The following TNIK variants were observed in gnomAD, a reference collection of about 807,000 sequenced individuals.
TNIK encodes TRAF2 and NCK-interacting protein kinase.
TNIK carries 49 observed loss-of-function variants against 191.3 expected under a neutral mutation model. The observed-to-expected ratio is 0.26, with a 90% CI of 0.20 to 0.32. TNIK has a LOEUF of 0.32. Ranked by LOEUF, TNIK falls within the 10% of genes least tolerant of loss-of-function variation. The pLI is 1.00. For missense variants in TNIK, 1,155 were observed against 1,702.3 expected (o/e 0.68, Z 5.66); for synonymous variants, 594 against 600.9 (o/e 0.99, Z 0.17).
intron 18 of TNIK, among the ~76,000 whole-genome samples, chr3:171,117,968 T>G (rs946074599): frequency 6.6e-6 from 1 of 151,904 alleles, no homozygotes; most frequent in African/African-American, 2.4e-5. Flanking sequence ...AGACTCCGTC[T>G]CAAAAAAAAA....
chr3:171,447,235 G>A (rs1727622672), intron 1 of TNIK, among the ~76,000 whole-genome samples: 1 of 150,130 alleles, frequency 6.7e-6, no homozygotes, highest in South Asian at 2.1e-4. Flanking sequence ...ACATCCCCTA[G>A]ATACACTCCA....
chr3:171,168,596 T>C (rs1734908234), intron 9 of TNIK, among the ~76,000 whole-genome samples: 1 of 152,144 alleles, frequency 6.6e-6, no homozygotes, highest in Non-Finnish European at 1.5e-5. Flanking sequence ...TTTTTTCCGC[T>C]CTAAATTTCT....
At chr3:171,187,168 G>A (rs1737467748) in intron 7 of TNIK, among the ~76,000 whole-genome samples, 1 of 152,174 alleles carries the variant, frequency 6.6e-6, no homozygotes, top group African/African-American at 2.4e-5. Flanking sequence ...GTATAACTAT[G>A]GTTTGAAGAA....
chr3:171,255,376 CA>C (rs1746728247), intron 2 of TNIK, among the ~76,000 whole-genome samples: 2 of 152,158 alleles, frequency 1.3e-5, no homozygotes, highest in African/African-American at 2.4e-5. Flanking sequence ...TGTCTGGTTA[CA>C]ACCATCTTAG....
intron 2 of TNIK, among the ~76,000 whole-genome samples, chr3:171,240,742 A>T (rs955631516): frequency 6.6e-6 from 1 of 152,158 alleles, no homozygotes; most frequent in African/African-American, 2.4e-5. Context: ...TCTGGCTGCT[A>T]TATCTAAAAC....
chr3:171,347,024 C>T (rs377521053), intron 2 of TNIK: 92 of 983,758 alleles, frequency 9.4e-5, no homozygotes, highest in African/African-American at 6.4e-4. Flanking sequence ...GTCCTGCAGG[C>T]GTTCATATGA....
At chr3:171,265,550 T>C (rs1210825974) in intron 2 of TNIK, among the ~76,000 whole-genome samples, 2 of 152,214 alleles carry the variant, frequency 1.3e-5, no homozygotes, top group African/African-American at 4.8e-5. Flanking sequence ...AAAACAAAAC[T>C]GGAAGAAAGC....
intron 1 of TNIK, among the ~76,000 whole-genome samples, chr3:171,428,475 C>T (rs1280388915): frequency 6.6e-6 from 1 of 152,046 alleles, no homozygotes; most frequent in African/African-American, 2.4e-5. Flanking sequence ...TGTGGTCAAC[C>T]GACCAAAGGT....
intron 2 of TNIK, among the ~76,000 whole-genome samples, chr3:171,354,142 T>TTA (rs1713653374): frequency 6.6e-6 from 1 of 152,138 alleles, no homozygotes; most frequent in Non-Finnish European, 1.5e-5. Flanking sequence ...ACCAAATTCA[T>TTA]TATATATATG....
At chr3:171,234,593 G>C (rs767745291) in intron 2 of TNIK, among the ~76,000 whole-genome samples, 21 of 152,202 alleles carry the variant, frequency 1.4e-4, no homozygotes, top group Non-Finnish European at 2.4e-4. Flanking sequence ...CAGACATGAA[G>C]TGGGGAAGAA....
At chr3:171,308,660 T>A (rs1290604813) in intron 2 of TNIK, among the ~76,000 whole-genome samples, 1 of 152,036 alleles carries the variant, frequency 6.6e-6, no homozygotes, top group Non-Finnish European at 1.5e-5. Flanking sequence ...ACTATGCATC[T>A]CACAAAGGCC....
intron 10 of TNIK, among the ~76,000 whole-genome samples, chr3:171,163,015 T>A (rs1274082238): frequency 1.3e-5 from 2 of 152,206 alleles, no homozygotes; most frequent in Admixed American, 6.5e-5. Flanking sequence ...GTGGCCCTTC[T>A]CCAGGCAGTT....
At chr3:171,100,031 C>T (rs1723248527) in intron 22 of TNIK, among the ~76,000 whole-genome samples, 1 of 152,166 alleles carries the variant, frequency 6.6e-6, no homozygotes, top group South Asian at 2.1e-4. Flanking sequence ...TCTCTTAAAG[C>T]CTTCAGCAGG....
chr3:171,389,639 C>T (rs781040782), intron 1 of TNIK, among the ~76,000 whole-genome samples: 2 of 152,170 alleles, frequency 1.3e-5, no homozygotes, highest in Admixed American at 6.5e-5. Context: ...GTAGCCTGTT[C>T]TGTGCCATGT....
chr3:171,070,274 C>A (rs1469221334), intron 29 of TNIK, among the ~76,000 whole-genome samples: 2 of 152,102 alleles, frequency 1.3e-5, no homozygotes, highest in African/African-American at 4.8e-5. Context: ...CCTAAGGGAA[C>A]AAGATAGAAG....
In TNIK at chr3:171,167,152, C is replaced by G; in HGVS notation, c.892G>C (p.Val298Leu). ...FIRDQPNERQ[V>L]RIQLKDHIDR... is the part of the protein sequence containing the mutation. The stretch of plus-strand genomic sequence containing the variant: ...ATATGGTCCTTGAGTTGAATGCGGA[C>G]CTGTCGCTCATTAGGTTGGTCTCGT... The change falls in exon 10 of 33, where the codon GTC (valine) becomes CTC (leucine). Residue 298 changes from valine to leucine, a missense_variant. By Grantham distance (32) the Val-to-Leu change is conservative (BLOSUM62 1). This residue lies in a region of TNIK where 225 missense variants were observed against 438.9 expected (regional missense o/e 0.51). Transcript: ENST00000436636. 6.2e-7 allele frequency: 1 copy of G among 1,613,882 alleles called. No homozygotes were observed. Among genetic ancestry groups the G allele is most frequent in the Non-Finnish European group, 8.5e-7 (1 of 1,179,864 alleles).
intron 20 of TNIK, among the ~76,000 whole-genome samples, chr3:171,107,427 C>G (rs540069951): frequency 6.6e-6 from 1 of 151,922 alleles, no homozygotes; most frequent in Non-Finnish European, 1.5e-5. Context: ...AAAAGCTTCA[C>G]GTTCATTTTA....
intron 12 of TNIK, among the ~76,000 whole-genome samples, chr3:171,149,953 T>C (rs978194381): frequency 1.3e-5 from 2 of 152,206 alleles, no homozygotes; most frequent in Non-Finnish European, 2.9e-5. Context: ...GCAGTGCTGA[T>C]GTGTTAACAC....
At chr3:171,218,987 A>C (rs1218246330) in intron 3 of TNIK, among the ~76,000 whole-genome samples, 73 of 122,004 alleles carry the variant, frequency 6.0e-4, no homozygotes, top group Admixed American at 2.1e-3. Flanking sequence ...ATTTATATTA[A>C]ATTATTACAT....
Sources: gnomAD v4.1 joint callset for allele counts (sites outside exome capture counted in the v4.1 genomes callset) on GRCh38, gnomAD v4.1.1 for gene constraint, gnomAD v4.1.1 regional missense constraint, MANE v1.5 for transcripts, NCBI Gene and HGNC (gene_info 2026-07-23, HGNC 2026-07-21) for gene names.